MYH11: variants seen among roughly 807,000 people sequenced by gnomAD.
MYH11 encodes myosin-11.
Under a neutral mutation model 246.6 loss-of-function variants are expected in MYH11, and 80 were observed. The ratio of observed to expected loss-of-function variants is 0.32; its 90% CI spans 0.27 to 0.39. MYH11 has a LOEUF of 0.39. MYH11 is among the 10% of genes least tolerant of loss of function. MYH11 has a pLI of 1.00. For synonymous variants in MYH11, 1,071 were observed against 1,015.5 expected, an observed-to-expected ratio of 1.05 and a Z score of -1.04; for missense variants, 2,158 against 2,546.8, an observed-to-expected ratio of 0.85 and a Z score of 3.29.
intron 9 of MYH11, among the ~76,000 whole-genome samples, chr16:15,767,139 A>T (rs2042000835): frequency 6.6e-6 from 1 of 152,000 alleles, no homozygotes; most frequent in Non-Finnish European, 1.5e-5. Context: ...ATGGGTGGGT[A>T]GATGGATGGA....
chr16:15,770,570 C>G lies in MYH11; in HGVS notation c.1033+999G>C, dbSNP rs1197778503. Among the ~76,000 whole-genome samples the G allele has an allele frequency of 5.3e-5, 8 of 152,244 alleles. No individual in the cohort carries two copies. In the East Asian group the frequency reaches 1.5e-3, roughly 29 times the overall value. ...TCAATTGATCACCAGAGCAACCCCTCCAGGAAAAGCCTGAGTAAATCCACT... is the reference window on the plus strand; with the variant it reads ...TCAATTGATCACCAGAGCAACCCCTGCAGGAAAAGCCTGAGTAAATCCACT... On this transcript the variant is annotated intron_variant, in intron 9 of 40. Transcript: ENST00000300036.
chr16:15,798,712 A>G, intron 3 of MYH11, 25 bp from the exon 4 acceptor site: 1 of 1,613,068 alleles, frequency 6.2e-7, no homozygotes, highest in Non-Finnish European at 8.5e-7. Context: ...AAGAAAAAAG[A>G]GCCATGAATT....
intron 3 of MYH11, among the ~76,000 whole-genome samples, chr16:15,808,862 T>C (rs767091425): frequency 2.0e-5 from 3 of 152,118 alleles, no homozygotes; most frequent in Non-Finnish European, 4.4e-5. Flanking sequence ...CACTGCGCTC[T>C]AGCTTGGGTG....
intron 4 of MYH11, chr16:15,792,170 C>T (rs2042626131): frequency 6.6e-6 from 1 of 152,142 alleles, no homozygotes; most frequent in Admixed American, 6.5e-5. Context: ...GTGACCCTCC[C>T]ACCTCAGCCT....
intron 3 of MYH11, among the ~76,000 whole-genome samples, chr16:15,815,083 T>A (rs996940745): frequency 1.2e-4 from 19 of 152,264 alleles, no homozygotes; most frequent in African/African-American, 4.3e-4. Flanking sequence ...GAAACAGAAG[T>A]GTCCTAATGG....
At chr16:15,834,132 G>A (rs1278185317) in intron 2 of MYH11, among the ~76,000 whole-genome samples, 1 of 151,960 alleles carries the variant, frequency 6.6e-6, no homozygotes, top group Non-Finnish European at 1.5e-5. Context: ...GGCCTGTCCT[G>A]AAACTCCCTA....
chr16:15,742,391 A>G (rs979933953), intron 20 of MYH11, among the ~76,000 whole-genome samples: 6 of 152,306 alleles, frequency 3.9e-5, no homozygotes, highest in Admixed American at 6.5e-5. Flanking sequence ...TTCTATGTTT[A>G]AAAAATAGAC....
At chr16:15,851,529 G>A (rs893934101) in intron 1 of MYH11, among the ~76,000 whole-genome samples, 5 of 152,108 alleles carry the variant, frequency 3.3e-5, no homozygotes, top group East Asian at 3.9e-4. Flanking sequence ...TTTCTGCTAA[G>A]AGTAAATGGA....
intron 27 of MYH11, among the ~76,000 whole-genome samples, chr16:15,729,804 G>C (rs1049582170): frequency 9.2e-5 from 14 of 151,724 alleles, no homozygotes; most frequent in African/African-American, 3.4e-4. Flanking sequence ...GCCTGCCTCG[G>C]GCTCCCAAAG....
chr16:15,760,748 A>G, intron 10 of MYH11, 90 bp from the exon 11 acceptor site: 2 of 928,824 alleles, frequency 2.2e-6, no homozygotes, highest in Non-Finnish European at 3.6e-6. Context: ...TGATCTGTGA[A>G]TACAGCGGGT....
At chr16:15,781,570 C>G (rs183915830) in intron 6 of MYH11, among the ~76,000 whole-genome samples, 46 of 152,326 alleles carry the variant, frequency 3.0e-4, no homozygotes, top group Admixed American at 1.2e-3. Flanking sequence ...ACGGAGACAA[C>G]CGCTTCTTTT....
chr16:15,795,210 T>C (rs951358763), intron 4 of MYH11, among the ~76,000 whole-genome samples: 1 of 152,032 alleles, frequency 6.6e-6, no homozygotes, highest in Non-Finnish European at 1.5e-5. Flanking sequence ...GGAGAATTGC[T>C]TGAACCCAGG....
rs1436181127 is a variant in MYH11, at chr16:15,745,173, A to G, written c.2476T>C (p.Tyr826His). The change falls in exon 20 of 41, where the codon TAC becomes CAC. Residue 826 changes from tyrosine (Y) to histidine (H), a missense_variant. Physicochemically the swap from Tyr to His is moderately conservative, Grantham distance 83. Coordinates refer to ENST00000300036, the MANE Select transcript of MYH11 (RefSeq NM_002474.3). ...CACTGCCAGTTCCGCAGCTTGAGGT[A>G]GGCGGCGCAGTTCCTCTGAATCACC... The part of the protein sequence containing the change: ...MKVIQRNCAA[Y>H]LKLRNWQWWR... 20 of 1,614,014 alleles carry G rather than the reference A, an allele frequency of 1.2e-5. No homozygotes were observed. Among genetic ancestry groups the G allele is most frequent in the Non-Finnish European group, 1.7e-5 (20 of 1,180,026 alleles).
chr16:15,769,935 AC>A (rs1215604259), intron 9 of MYH11, among the ~76,000 whole-genome samples: 1 of 152,170 alleles, frequency 6.6e-6, no homozygotes, highest in Non-Finnish European at 1.5e-5. Context: ...TGCTGGGATT[AC>A]AGGCATGAGC....
intron 4 of MYH11, among the ~76,000 whole-genome samples, chr16:15,795,153 CA>C (rs1235735418): frequency 3.9e-5 from 6 of 152,000 alleles, no homozygotes; most frequent in African/African-American, 1.2e-4. Flanking sequence ...ATTAACAATA[CA>C]AAAATTAGCT....
At chr16:15,855,159 T>C (rs1400936485) in intron 1 of MYH11, among the ~76,000 whole-genome samples, 1 of 152,024 alleles carries the variant, frequency 6.6e-6, no homozygotes, top group African/African-American at 2.4e-5. Context: ...GACATGATAA[T>C]AAAAAAACAT....
In MYH11 at chr16:15,742,029, T is replaced by C. The variant is rs1450576408; in HGVS notation, c.2521-138A>G. ...ACTAGGGGATATTGTCTGGAGACAC[T>C]GCTGATTGTCACAGCTGGGGTGGGG... On this transcript the variant is annotated intron_variant, in intron 20 of 40. Transcript: ENST00000300036. The C allele has an allele frequency of 6.7e-6, 9 of 1,352,674 alleles. No homozygotes were observed. The East Asian group carries it at 2.2e-4, about 34-fold the overall frequency. 83.8% of individuals were successfully genotyped at this position (1,352,674 alleles called of 1,614,324 possible).
At chr16:15,724,086 C>T (rs902498144) in intron 31 of MYH11, 75 bp downstream of exon 31, 23 of 1,603,604 alleles carry the variant, frequency 1.4e-5, no homozygotes, top group East Asian at 2.2e-5. Flanking sequence ...GCCAGAGCCA[C>T]GCGTCATACT....
chr16:15,722,831 CACCCT>C (rs2040555469), intron 31 of MYH11, among the ~76,000 whole-genome samples: 1 of 152,182 alleles, frequency 6.6e-6, no homozygotes, highest in Admixed American at 6.5e-5. Flanking sequence ...ACCTCCACCC[CACCCT>C]GGGTTCAAGC....
Sources: gnomAD v4.1 joint callset for allele counts (sites outside exome capture counted in the v4.1 genomes callset) on GRCh38, gnomAD v4.1.1 for gene constraint, MANE v1.5 for transcripts, NCBI Gene and HGNC (gene_info 2026-07-23, HGNC 2026-07-21) for gene names.